The following WWOX variants were observed in gnomAD, a reference collection of about 807,000 sequenced individuals.
WWOX encodes the protein WW domain containing oxidoreductase.
WWOX carries 69 observed loss-of-function variants against 46.2 expected under a neutral mutation model. The observed-to-expected ratio is 1.49, with a 90% CI of 1.23 to 1.82. The LOEUF is 1.82. Among genes scored for constraint, WWOX ranks in the 40% most tolerant of loss-of-function variants. The pLI is 0.00. For missense variants in WWOX, 919 were observed against 542.6 expected (o/e 1.69, Z -6.89); for synonymous variants, 359 against 202.6 (o/e 1.77, Z -6.56).
intron 5 of WWOX, among the ~76,000 whole-genome samples, chr16:78,319,803 G>A (rs553522879): frequency 3.3e-5 from 5 of 152,122 alleles, no homozygotes; most frequent in South Asian, 4.2e-4. Context: ...GCCACCCTCC[G>A]CCCTTAGCCT....
At chr16:78,560,094 C>T (rs571588554) in intron 8 of WWOX, among the ~76,000 whole-genome samples, 8 of 152,158 alleles carry the variant, frequency 5.3e-5, no homozygotes, top group South Asian at 2.1e-4. Flanking sequence ...TTTTTTCTCC[C>T]GTCTCTGCAG....
intron 5 of WWOX, among the ~76,000 whole-genome samples, chr16:78,187,891 G>A (rs904425636): frequency 6.6e-6 from 1 of 152,132 alleles, no homozygotes; most frequent in Non-Finnish European, 1.5e-5. Flanking sequence ...GGGTTCTAGG[G>A]ATTTCAGTGA....
At chr16:78,854,779 C>A (rs957094212) in intron 8 of WWOX, among the ~76,000 whole-genome samples, 1 of 152,168 alleles carries the variant, frequency 6.6e-6, no homozygotes, top group South Asian at 2.1e-4. Flanking sequence ...TGGGGTTTCA[C>A]CACTTTTGGC....
chr16:78,110,355 A>G (rs2032419889), intron 3 of WWOX, among the ~76,000 whole-genome samples: 1 of 151,584 alleles, frequency 6.6e-6, no homozygotes, highest in African/African-American at 2.4e-5. Context: ...AAAAAAAAAA[A>G]AAAAAAGAGG....
intron 8 of WWOX, among the ~76,000 whole-genome samples, chr16:78,720,852 A>G (rs918693928): frequency 6.6e-6 from 1 of 152,174 alleles, no homozygotes; most frequent in African/African-American, 2.4e-5. Context: ...GAAATTAGAC[A>G]GGAGCTACAA....
At chr16:78,969,893 C>T (rs2046437656) in intron 8 of WWOX, among the ~76,000 whole-genome samples, 1 of 152,092 alleles carries the variant, frequency 6.6e-6, no homozygotes, top group African/African-American at 2.4e-5. Flanking sequence ...TAGCAGGATT[C>T]CTTCTAAAGC....
chr16:78,311,205 A>G (rs78175291), intron 5 of WWOX, among the ~76,000 whole-genome samples: 2,509 of 152,272 alleles, frequency 0.016, 70 homozygotes, highest in African/African-American at 0.056. Context: ...TCTAGGTGGC[A>G]CAGTGTGGTT....
chr16:78,177,480 G>A (rs764160832), intron 5 of WWOX, among the ~76,000 whole-genome samples: 1 of 152,172 alleles, frequency 6.6e-6, no homozygotes, highest in Non-Finnish European at 1.5e-5. Flanking sequence ...GATGGTTGCA[G>A]GAGAAAGTAT....
At chr16:78,937,964 G>T (rs2045776252) in intron 8 of WWOX, among the ~76,000 whole-genome samples, 2 of 152,124 alleles carry the variant, frequency 1.3e-5, no homozygotes, top group South Asian at 4.1e-4. Context: ...TGTGTTCAGT[G>T]TTTTCTTATT....
At chr16:78,836,233 G>A (rs1012998295) in intron 8 of WWOX, among the ~76,000 whole-genome samples, 1 of 151,950 alleles carries the variant, frequency 6.6e-6, no homozygotes. Context: ...ATAGCACACT[G>A]AGGTAGGATC....
At chr16:78,853,493 C>T (rs535499778) in intron 8 of WWOX, among the ~76,000 whole-genome samples, 33 of 152,244 alleles carry the variant, frequency 2.2e-4, no homozygotes, top group African/African-American at 7.7e-4. Context: ...TCCAGAAATC[C>T]AGTTTCAGCA....
At position 78,340,346 on chromosome 16, in the gene WWOX, G is replaced by T. The variant is rs952153686; in HGVS notation, c.517-46514G>T. ...CAAGTCGCTGGGACTACATGTGCGTGTCACCAAGCCGAACTAATTTATTTT... is the reference window on the plus strand; with the variant it reads ...CAAGTCGCTGGGACTACATGTGCGTTTCACCAAGCCGAACTAATTTATTTT... On this transcript the variant is annotated intron_variant, in intron 5 of 8. Transcript: ENST00000566780. Among the ~76,000 whole-genome samples, 2 of 117,758 alleles carry T rather than the reference G, an allele frequency of 1.7e-5. 1 individual carries two copies. Among genetic ancestry groups the T allele is most frequent in the Admixed American group, 1.7e-4 (2 of 12,006 alleles). 77.3% of individuals were successfully genotyped at this position (117,758 alleles called of 152,430 possible).
At chr16:79,030,069 A>G (rs929665820) in intron 8 of WWOX, among the ~76,000 whole-genome samples, 1 of 152,212 alleles carries the variant, frequency 6.6e-6, no homozygotes, top group Non-Finnish European at 1.5e-5. Context: ...ACCAAAAAAA[A>G]TAGCATCTGC....
chr16:78,591,558 G>C (rs1482337671), intron 8 of WWOX, among the ~76,000 whole-genome samples: 1 of 152,188 alleles, frequency 6.6e-6, no homozygotes, highest in Non-Finnish European at 1.5e-5. Flanking sequence ...GTTAACATCA[G>C]GCAAATGGGT....
chr16:79,115,563 A>G (rs2049499949), intron 8 of WWOX, among the ~76,000 whole-genome samples: 1 of 152,240 alleles, frequency 6.6e-6, no homozygotes, highest in African/African-American at 2.4e-5. Context: ...TAAACTCAAA[A>G]CAAGCCAGTA....
At chr16:78,834,400 T>A (rs1006211709) in intron 8 of WWOX, among the ~76,000 whole-genome samples, 23 of 152,170 alleles carry the variant, frequency 1.5e-4, no homozygotes, top group African/African-American at 5.6e-4. Flanking sequence ...CGGCACAAAT[T>A]GAATCTAGGT....
intron 8 of WWOX, among the ~76,000 whole-genome samples, chr16:78,962,518 A>G (rs185201551): frequency 1.3e-4 from 20 of 152,166 alleles, no homozygotes; most frequent in African/African-American, 4.8e-4. Flanking sequence ...GGCTTAAATA[A>G]TGTATTCTGT....
chr16:78,845,193 AAAG>A (rs2052267187), intron 8 of WWOX, among the ~76,000 whole-genome samples: 1 of 151,728 alleles, frequency 6.6e-6, no homozygotes, highest in Non-Finnish European at 1.5e-5. Context: ...TAAAAAAAAA[AAAG>A]AATCCATTCA....
intron 8 of WWOX, among the ~76,000 whole-genome samples, chr16:78,705,165 C>G (rs1198385315): frequency 6.6e-6 from 1 of 152,124 alleles, no homozygotes; most frequent in Non-Finnish European, 1.5e-5. Context: ...AAAAGCCAAC[C>G]ACTTATATTT....
Sources: allele counts gnomAD v4.1 joint callset (sites outside exome capture counted in the v4.1 genomes callset), GRCh38; gene constraint gnomAD v4.1.1; transcripts MANE v1.5; gene names NCBI Gene and HGNC (gene_info 2026-07-23, HGNC 2026-07-21).